HDX: variants seen among roughly 807,000 people sequenced by gnomAD.
HDX encodes highly divergent homeobox.
HDX carries 19 observed loss-of-function variants against 45.2 expected under a neutral mutation model. That is an observed-to-expected ratio of 0.42 (90% CI 0.29 to 0.62). The LOEUF (loss-of-function observed/expected upper bound fraction) is 0.62. Among genes scored for constraint, HDX ranks in the 20% least tolerant of loss-of-function variants. The probability of loss-of-function intolerance (pLI) is 0.20; values close to 1 mark genes in which losing one functional copy is unlikely to be tolerated. For synonymous variants in HDX, 188 were observed against 172.8 expected (o/e 1.09, Z -0.69); for missense variants, 532 against 493.9 (o/e 1.08, Z -0.73).
intron 5 of HDX, among the ~76,000 whole-genome samples, chrX:84,366,256 C>T (rs2037751086): frequency 1.8e-5 from 2 of 111,378 alleles, no homozygotes; most frequent in African/African-American, 6.5e-5. Context: ...GAATAAAATA[C>T]ATAGGAATAC....
At chrX:84,480,457 T>C (rs940085602) in intron 2 of HDX, among the ~76,000 whole-genome samples, 2 of 111,647 alleles carry the variant, frequency 1.8e-5, no homozygotes, top group African/African-American at 6.5e-5. Flanking sequence ...TCTTTCACCA[T>C]TAAGTATGAT....
rs780127312 is a variant in HDX, at chrX:84,473,801, G to A, written c.147+1450C>T. On this transcript the variant is annotated intron_variant, in intron 3 of 10. Coordinates refer to ENST00000373177, the MANE Select transcript of HDX (RefSeq NM_001177479.2). ...AAAAAAAAAAGCAGAGGAAATTACT[G>A]CAGGAAAAAAAAAAGTAGCACTTAC... 4.2e-3 allele frequency among the ~76,000 whole-genome samples: 463 copies of A among 109,838 alleles called. 2 individuals are homozygous for A. The highest frequency in any genetic ancestry group is 0.014 in the Middle Eastern group (3 of 211).
chrX:84,435,525 G>A (rs1178361406), intron 5 of HDX, among the ~76,000 whole-genome samples: 1 of 109,755 alleles, frequency 9.1e-6, no homozygotes, highest in East Asian at 2.9e-4. Context: ...TGTTCACTCT[G>A]ATGGTAGTTT....
At chrX:84,455,980 C>A (rs1237588630) in intron 4 of HDX, among the ~76,000 whole-genome samples, 3 of 111,770 alleles carry the variant, frequency 2.7e-5, no homozygotes, top group Non-Finnish European at 3.8e-5. Flanking sequence ...GCAAAAATAT[C>A]CTTCAAACAT....
chrX:84,500,469 C>CACAACA (rs368488267), intron 1 of HDX, among the ~76,000 whole-genome samples: 3 of 104,789 alleles, frequency 2.9e-5, no homozygotes, highest in Non-Finnish European at 5.8e-5. Flanking sequence ...CACACACACA[C>CACAACA]ACAACAACAA....
At chrX:84,374,864 C>A (rs1249393081) in intron 5 of HDX, among the ~76,000 whole-genome samples, 2 of 99,229 alleles carry the variant, frequency 2.0e-5, no homozygotes, top group Middle Eastern at 0.011. Context: ...ACACCAAAAG[C>A]AATGGCAACA....
intron 9 of HDX, 103 bp from the exon 10 acceptor site, chrX:84,326,403 C>A (rs1254807974): frequency 1.9e-5 from 11 of 572,926 alleles, no homozygotes; most frequent in African/African-American, 1.9e-4. Flanking sequence ...ATTAGAAGGA[C>A]AATAAAGAAA....
chrX:84,491,064 G>C (rs938850584), intron 1 of HDX, among the ~76,000 whole-genome samples: 1 of 110,555 alleles, frequency 9.0e-6, no homozygotes, highest in African/African-American at 3.3e-5. Flanking sequence ...GAGCTTCTTG[G>C]GTATGTGGGT....
intron 5 of HDX, among the ~76,000 whole-genome samples, chrX:84,426,032 A>T (rs190883431): frequency 1.8e-5 from 2 of 111,087 alleles, no homozygotes; most frequent in Non-Finnish European, 3.8e-5. Flanking sequence ...ATACGATGTG[A>T]TTATTAAGCA....
At chrX:84,415,472 G>A (rs1280688400) in intron 5 of HDX, among the ~76,000 whole-genome samples, 3 of 111,661 alleles carry the variant, frequency 2.7e-5, no homozygotes. Flanking sequence ...TGCTCCAAGA[G>A]GTACCATAAT....
intron 5 of HDX, among the ~76,000 whole-genome samples, chrX:84,367,182 G>C (rs2037778751): frequency 8.9e-6 from 1 of 111,905 alleles, no homozygotes; most frequent in African/African-American, 3.3e-5. Context: ...ATCAAAAAGT[G>C]GGTGAAGGAT....
intron 2 of HDX, among the ~76,000 whole-genome samples, chrX:84,483,098 G>T (rs1398388744): frequency 9.0e-6 from 1 of 111,408 alleles, no homozygotes; most frequent in Non-Finnish European, 1.9e-5. Context: ...TTGTGGCTTT[G>T]CAGGGTACAG....
At position 84,424,864 on chromosome X, in the gene HDX, CA is replaced by C. The variant is rs376188789; in HGVS notation, c.1305+15667del. ...GCAAATTATGAAACTACTACTACTA[CA>C]AAAAAAAAATTGGGAAAAATCTTCA... is the stretch of plus-strand genomic sequence containing the variant. On this transcript the variant is annotated intron_variant, in intron 5 of 10. Transcript: ENST00000373177. Among the ~76,000 whole-genome samples, 142 of 106,246 alleles carry C rather than the reference CA, an allele frequency of 1.3e-3. 1 individual carries two copies. The highest frequency in any genetic ancestry group is 9.1e-3 in the South Asian group (23 of 2,519). The allele number at this position is 106,246 out of a possible 115,157, so 92.3% of individuals were successfully genotyped here.
intron 5 of HDX, among the ~76,000 whole-genome samples, chrX:84,422,926 C>G (rs963968638): frequency 8.2e-5 from 9 of 109,678 alleles, no homozygotes; most frequent in African/African-American, 3.0e-4. Flanking sequence ...CCTCGGCCTC[C>G]CAAAGTGCTG....
chrX:84,415,913 C>T lies in HDX; in HGVS notation c.1305+24619G>A, dbSNP rs748895702. On this transcript the variant is annotated intron_variant, in intron 5 of 10. Coordinates refer to ENST00000373177, the MANE Select transcript of HDX (RefSeq NM_001177479.2). The stretch of plus-strand genomic sequence containing the variant: ...ATGAAGTGAAGAAGCCACTGTTGTC[C>T]AAAGCTGATTTGATGTTCATAACTA... Among the ~76,000 whole-genome samples the T allele has an allele frequency of 5.4e-5, 6 of 111,971 alleles. No individual in the cohort carries two copies. The South Asian group carries it at 2.2e-3, about 41-fold the overall frequency.
At chrX:84,390,010 G>T (rs1177950931) in intron 5 of HDX, among the ~76,000 whole-genome samples, 1 of 110,687 alleles carries the variant, frequency 9.0e-6, no homozygotes, top group African/African-American at 3.3e-5. Flanking sequence ...CATGTATCTT[G>T]CGCAGGGTTT....
At chrX:84,492,536 C>T (rs1217866508) in intron 1 of HDX, among the ~76,000 whole-genome samples, 1 of 111,418 alleles carries the variant, frequency 9.0e-6, no homozygotes, top group Non-Finnish European at 1.9e-5. Flanking sequence ...GACTATAAAA[C>T]CTGTCCTATT....
intron 7 of HDX, among the ~76,000 whole-genome samples, chrX:84,339,488 T>G (rs1044862624): frequency 3.6e-5 from 4 of 111,607 alleles, no homozygotes; most frequent in Non-Finnish European, 7.6e-5. Flanking sequence ...GGTTTGATTA[T>G]TTTGGAAGAT....
intron 2 of HDX, among the ~76,000 whole-genome samples, chrX:84,476,326 G>A (rs909769814): frequency 1.8e-5 from 2 of 110,297 alleles, no homozygotes; most frequent in African/African-American, 6.6e-5. Context: ...AATCCCAAAA[G>A]TTGACAGAAA....
Sources: allele counts gnomAD v4.1 joint callset (sites outside exome capture counted in the v4.1 genomes callset), GRCh38; gene constraint gnomAD v4.1.1; transcripts MANE v1.5; gene names NCBI Gene and HGNC (gene_info 2026-07-23, HGNC 2026-07-21).